Variants in PTPRQ observed in about 807,000 individuals in gnomAD.
PTPRQ encodes the protein phosphatidylinositol phosphatase PTPRQ.
A neutral mutation model predicts 246.0 loss-of-function variants in PTPRQ; 199 were observed. The observed-to-expected ratio is 0.81, with a 90% confidence interval of 0.72 to 0.91. PTPRQ has a LOEUF of 0.91. Among genes scored for constraint, PTPRQ ranks in the 40% least tolerant of loss-of-function variants. The pLI, the probability that PTPRQ is intolerant of heterozygous loss-of-function variation, is 0.00. For missense variants in PTPRQ, 2,624 were observed against 2,528.4 expected (o/e 1.04, Z -0.81); for synonymous variants, 869 against 853.2 (o/e 1.02, Z -0.32).
intron 9 of PTPRQ, among the ~76,000 whole-genome samples, chr12:80,488,653 T>A (rs914605905): frequency 3.9e-5 from 6 of 152,046 alleles, no homozygotes; most frequent in Non-Finnish European, 7.4e-5. Flanking sequence ...GTTATTTTCA[T>A]TATAAACCCT....
chr12:80,622,651 C>T (rs1484158795), intron 33 of PTPRQ, among the ~76,000 whole-genome samples: 1 of 151,940 alleles, frequency 6.6e-6, no homozygotes, highest in Non-Finnish European at 1.5e-5. Flanking sequence ...AGTGGCTAGG[C>T]CAGGATTCCA....
At position 80,496,481 on chromosome 12, in the gene PTPRQ, G is replaced by A. The variant is rs1233368554; in HGVS notation, c.2222G>A (p.Gly741Asp). ...TCTGTAAGGTCTTACACCAGATTTGGTCATGGCAATCAGGTATCTTCTTTA... is the reference window on the plus strand; with the variant it reads ...TCTGTAAGGTCTTACACCAGATTTGATCATGGCAATCAGGTATCTTCTTTA... ...NISVRSYTRF[G>D]HGNQVSSLLS... Residue 741 changes from glycine (G) to aspartate (D), a missense_variant, in exon 14 of 45, where the codon GGT (glycine) becomes GAT (aspartate). Physicochemically the swap from Gly to Asp is moderately conservative, Grantham distance 94. Transcript: ENST00000644991. The A allele has an allele frequency of 6.5e-7, 1 of 1,550,210 alleles. No homozygotes were observed. Among genetic ancestry groups the A allele is most frequent in the Non-Finnish European group, 8.7e-7 (1 of 1,146,340 alleles).
At chr12:80,473,047 G>GCGCGCA (rs758446731) in intron 8 of PTPRQ, among the ~76,000 whole-genome samples, 407 of 145,672 alleles carry the variant, frequency 2.8e-3, no homozygotes, top group Middle Eastern at 6.9e-3. Context: ...TCACACACAC[G>GCGCGCA]CACACACACA....
At chr12:80,589,961 C>T (rs1415204323) in intron 26 of PTPRQ, among the ~76,000 whole-genome samples, 1 of 152,200 alleles carries the variant, frequency 6.6e-6, no homozygotes, top group African/African-American at 2.4e-5. Flanking sequence ...CTTAATTGCT[C>T]TTATTCTGGT....
At chr12:80,507,458 A>C (rs775341315) in intron 16 of PTPRQ, among the ~76,000 whole-genome samples, 2 of 151,626 alleles carry the variant, frequency 1.3e-5, no homozygotes, top group Non-Finnish European at 2.9e-5. Flanking sequence ...TCTTTCTTTC[A>C]AGTTTCCCCA....
rs538394171 is a variant in PTPRQ, at chr12:80,664,616, T to TA, written c.6193-4391_6193-4390insA. Among the ~76,000 whole-genome samples the TA allele has an allele frequency of 2.4e-3, 363 of 152,200 alleles. 1 individual carries two copies. Among genetic ancestry groups the TA allele is most frequent in the Non-Finnish European group, 3.8e-3 (261 of 67,976 alleles). ...TCTCTCTACTTCTTTATTGTTCTTTTTATTTACATTATAGCCCCTTGAAGA... is the reference window on the plus strand; with the variant it reads ...TCTCTCTACTTCTTTATTGTTCTTTTATATTTACATTATAGCCCCTTGAAGA... On this transcript the variant is annotated intron_variant, in intron 39 of 44. Coordinates refer to ENST00000644991, the MANE Select transcript of PTPRQ (RefSeq NM_001145026.2).
At chr12:80,656,099 A>G (rs2121243501) in intron 38 of PTPRQ, among the ~76,000 whole-genome samples, 1 of 152,252 alleles carries the variant, frequency 6.6e-6, no homozygotes, top group South Asian at 2.1e-4. Context: ...TAGTAACAGG[A>G]CTAGTTACAA....
chr12:80,546,844 CT>C (rs1453037237), intron 24 of PTPRQ, 147 bp downstream of exon 24: 3 of 965,072 alleles, frequency 3.1e-6, no homozygotes, highest in Non-Finnish European at 4.5e-6. Context: ...TAGTCTTGGT[CT>C]TGTGTGAAAT....
Position 80,679,085 on chromosome 12 carries a change from C to A in PTPRQ, c.*62C>A. The A allele has an allele frequency of 6.6e-7, 1 of 1,518,810 alleles. No homozygotes were observed. Among genetic ancestry groups the A allele is most frequent in the South Asian group, 1.3e-5 (1 of 77,944 alleles). 94.1% of individuals were successfully genotyped at this position (1,518,810 alleles called of 1,614,324 possible). Reference sequence around the variant, plus strand: ...TAAATCCCAGGGGCCAAAGTTACCCCCTCATTCTTCCGAATTGAAATGTGC... The same window carrying A: ...TAAATCCCAGGGGCCAAAGTTACCCACTCATTCTTCCGAATTGAAATGTGC... On this transcript the variant is annotated 3_prime_UTR_variant, in exon 45 of 45. Transcript: ENST00000644991.
intron 11 of PTPRQ, 46 bp downstream of exon 11, chr12:80,495,140 T>C (rs1289500846): frequency 1.3e-6 from 2 of 1,549,688 alleles, no homozygotes; most frequent in East Asian, 4.9e-5. Flanking sequence ...AATATTGCTG[T>C]TGTACACTGT....
chr12:80,607,275 A>G (rs1898359690), intron 27 of PTPRQ, among the ~76,000 whole-genome samples: 1 of 151,004 alleles, frequency 6.6e-6, no homozygotes, highest in African/African-American at 2.4e-5. Context: ...CAATGGTTTG[A>G]CAGGAGAAAG....
At chr12:80,520,843 A>C (rs12230960) in intron 17 of PTPRQ, among the ~76,000 whole-genome samples, 136,271 of 151,932 alleles carry the variant, frequency 0.9, 61,698 homozygotes, top group Non-Finnish European at 0.93. Flanking sequence ...GTCTTTATAG[A>C]AGCATGTTTT....
chr12:80,456,850 A>G (rs1190400195), intron 3 of PTPRQ, among the ~76,000 whole-genome samples: 1 of 152,152 alleles, frequency 6.6e-6, no homozygotes, highest in Admixed American at 6.5e-5. Context: ...CAATCCTATA[A>G]CATAGATACA....
At chr12:80,444,950 A>T (rs1321438771) in intron 2 of PTPRQ, 101 bp downstream of exon 2, 1 of 1,323,526 alleles carries the variant, frequency 7.6e-7, no homozygotes, top group Non-Finnish European at 9.9e-7. Context: ...CATTAAATTC[A>T]TGAAAACAGT....
At chr12:80,481,863 A>T (rs1006909772) in intron 8 of PTPRQ, among the ~76,000 whole-genome samples, 1 of 151,990 alleles carries the variant, frequency 6.6e-6, no homozygotes, top group East Asian at 1.9e-4. Flanking sequence ...CCGCTGCTCA[A>T]TGAAATAAAA....
At chr12:80,652,507 G>A (rs1900289796) in intron 37 of PTPRQ, among the ~76,000 whole-genome samples, 2 of 151,964 alleles carry the variant, frequency 1.3e-5, no homozygotes, top group African/African-American at 2.4e-5. Flanking sequence ...TTCCCAAAGT[G>A]CAAAGAAATT....
Position 80,632,191 on chromosome 12 carries a change from G to A in PTPRQ, c.5687-1G>A. 6.4e-7 allele frequency: 1 copy of A among 1,550,760 alleles called. No homozygotes were observed. Among genetic ancestry groups the A allele is most frequent in the Non-Finnish European group, 8.7e-7 (1 of 1,146,632 alleles). On this transcript the variant is annotated splice_acceptor_variant, in intron 33 of 44. Transcript: ENST00000644991. LOFTEE classifies it high-confidence loss of function. ...ATGATCCTGTTATCCCTCTTCTCCAGGGGAAGGACTTTCAGAAAGAACCGT... is the reference window on the plus strand; with the variant it reads ...ATGATCCTGTTATCCCTCTTCTCCAAGGGAAGGACTTTCAGAAAGAACCGT...
chr12:80,548,573 C>A (rs1896377934), intron 24 of PTPRQ, among the ~76,000 whole-genome samples: 1 of 152,076 alleles, frequency 6.6e-6, no homozygotes, highest in Non-Finnish European at 1.5e-5. Context: ...GATCAGGGAT[C>A]ACCTGAGTAT....
intron 8 of PTPRQ, among the ~76,000 whole-genome samples, chr12:80,482,358 T>C (rs1444549609): frequency 1.3e-5 from 2 of 151,978 alleles, no homozygotes; most frequent in Non-Finnish European, 2.9e-5. Flanking sequence ...TCCTTACACC[T>C]TATACAAAAA....
Sources: allele counts gnomAD v4.1 joint callset (sites outside exome capture counted in the v4.1 genomes callset), GRCh38; gene constraint gnomAD v4.1.1; transcripts MANE v1.5; gene names NCBI Gene and HGNC (gene_info 2026-07-23, HGNC 2026-07-21).